Variants in GALNT13 observed in about 807,000 individuals in gnomAD.
The protein encoded by GALNT13 is polypeptide N-acetylgalactosaminyltransferase 13, also known as UDP-GalNAc:polypeptide N-acetylgalactosaminyltransferase 13.
A neutral mutation model predicts 64.2 loss-of-function variants in GALNT13; 28 were observed. That is an observed-to-expected ratio of 0.44 (90% CI 0.32 to 0.60). The LOEUF (loss-of-function observed/expected upper bound fraction) is 0.60, where lower values mean the gene tolerates loss of function less well. Among genes scored for constraint, GALNT13 ranks in the 20% least tolerant of loss-of-function variants. GALNT13 has a pLI of 0.05. For missense variants in GALNT13, 577 were observed against 669.8 expected (o/e 0.86, Z 1.53); for synonymous variants, 214 against 224.6 (o/e 0.95, Z 0.42).
chr2:153,539,790 C>T, the GALNT13 span, among the ~76,000 whole-genome samples: 1 of 151,838 alleles, frequency 6.6e-6, no homozygotes, highest in Admixed American at 6.6e-5. Context: ...GTTTTGGTTA[C>T]TGTAGCCTTG....
chr2:153,139,832 T>G, the GALNT13 span, among the ~76,000 whole-genome samples: 177 of 152,056 alleles, frequency 1.2e-3, 1 homozygote, highest in Admixed American at 4.3e-3. Flanking sequence ...AGTAATTGCT[T>G]GAGTAATGTA....
chr2:154,339,528 G>C (rs1002890450), intron 9 of GALNT13, among the ~76,000 whole-genome samples: 3 of 152,108 alleles, frequency 2.0e-5, no homozygotes, highest in African/African-American at 7.2e-5. Flanking sequence ...GAAGGAAATT[G>C]CTGGAATTTT....
the GALNT13 span, among the ~76,000 whole-genome samples, chr2:153,790,660 C>G: frequency 7.2e-5 from 11 of 152,150 alleles, no homozygotes; most frequent in Non-Finnish European, 1.6e-4. Flanking sequence ...GGATGCCAAA[C>G]TATCCCTGTT....
chr2:153,843,660 G>T, the GALNT13 span, among the ~76,000 whole-genome samples: 3 of 152,180 alleles, frequency 2.0e-5, no homozygotes, highest in Non-Finnish European at 4.4e-5. Flanking sequence ...AAGGTTTCAT[G>T]TGTAACAAGG....
At chr2:153,499,856 C>T in the GALNT13 span, among the ~76,000 whole-genome samples, 1 of 152,138 alleles carries the variant, frequency 6.6e-6, no homozygotes, top group East Asian at 1.9e-4. Context: ...CTTCCCAGTC[C>T]CCTGAGAGTG....
At chr2:154,050,046 C>T (rs1699500902) in intron 3 of GALNT13, among the ~76,000 whole-genome samples, 1 of 151,814 alleles carries the variant, frequency 6.6e-6, no homozygotes, top group South Asian at 2.1e-4. Context: ...TAAAATACAC[C>T]ATTTAAAATT....
intron 4 of GALNT13, among the ~76,000 whole-genome samples, chr2:154,144,576 C>A (rs1683454776): frequency 6.6e-6 from 1 of 152,096 alleles, no homozygotes; most frequent in South Asian, 2.1e-4. Flanking sequence ...AATGTGAATT[C>A]ATTCAAATAT....
intron 4 of GALNT13, among the ~76,000 whole-genome samples, chr2:154,150,700 T>C (rs1683948590): frequency 6.6e-6 from 1 of 152,238 alleles, no homozygotes; most frequent in Admixed American, 6.5e-5. Context: ...CTTCTAGATT[T>C]TCTAGTTTAT....
chr2:153,695,483 C>G, the GALNT13 span, among the ~76,000 whole-genome samples: 4 of 152,122 alleles, frequency 2.6e-5, no homozygotes, highest in Non-Finnish European at 5.9e-5. Flanking sequence ...TCTAATATTT[C>G]AGGAATGATT....
At chr2:154,114,583 G>C (rs550520030) in intron 3 of GALNT13, among the ~76,000 whole-genome samples, 1 of 131,286 alleles carries the variant, frequency 7.6e-6, no homozygotes, top group East Asian at 2.3e-4. Flanking sequence ...GTGTAGTGGG[G>C]TCCTTCCTTA....
At chr2:153,475,505 C>T in the GALNT13 span, among the ~76,000 whole-genome samples, 14 of 152,292 alleles carry the variant, frequency 9.2e-5, 1 homozygote, top group South Asian at 2.3e-3. Context: ...CTAAGAGGAA[C>T]AAGATAGAGA....
chr2:153,964,839 G>A (rs962431976), intron 3 of GALNT13, among the ~76,000 whole-genome samples: 1 of 151,840 alleles, frequency 6.6e-6, no homozygotes, highest in African/African-American at 2.4e-5. Context: ...AATATATTAT[G>A]GGCATTTTGT....
the GALNT13 span, among the ~76,000 whole-genome samples, chr2:153,534,518 C>CT: frequency 0.084 from 10,411 of 123,598 alleles, 1,715 homozygotes; most frequent in African/African-American, 0.33. Flanking sequence ...GCCCCTCTTT[C>CT]TTTCTTTCTT....
chr2:153,667,654 A>G, the GALNT13 span, among the ~76,000 whole-genome samples: 8 of 152,132 alleles, frequency 5.3e-5, no homozygotes, highest in African/African-American at 1.9e-4. Flanking sequence ...AAAGACCATT[A>G]CCAGCCACTA....
chr2:154,039,739 A>G lies in GALNT13; in HGVS notation c.142+95100A>G, dbSNP rs1258787830. Among the ~76,000 whole-genome samples, 3 of 139,450 alleles carry G rather than the reference A, an allele frequency of 2.2e-5. 1 individual carries two copies. The highest frequency in any genetic ancestry group is 4.9e-5 in the African/African-American group (2 of 40,692). 91.5% of individuals were successfully genotyped at this position (139,450 alleles called of 152,430 possible). A position where few individuals can be genotyped will look rare whatever the true frequency, so the allele number is the denominator to read the frequency against. Reference sequence around the variant, plus strand: ...AATATACCTAACAATAATTTATTGTATATGTTAAAAATACTAGAAGAGAGG... The same window carrying G: ...AATATACCTAACAATAATTTATTGTGTATGTTAAAAATACTAGAAGAGAGG... On this transcript the variant is annotated intron_variant, in intron 3 of 12. Transcript: ENST00000392825.
the GALNT13 span, among the ~76,000 whole-genome samples, chr2:153,296,004 G>T: frequency 2.0e-5 from 3 of 152,066 alleles, no homozygotes; most frequent in Admixed American, 2.0e-4. Flanking sequence ...ACATTAGAGC[G>T]CCCACTCAGT....
chr2:153,510,482 G>A, the GALNT13 span, among the ~76,000 whole-genome samples: 18 of 152,224 alleles, frequency 1.2e-4, no homozygotes, highest in East Asian at 7.8e-4. Context: ...AAACAAACAC[G>A]TATATAAAGC....
intron 4 of GALNT13, among the ~76,000 whole-genome samples, chr2:154,169,561 C>T (rs561375210): frequency 6.6e-6 from 1 of 152,216 alleles, no homozygotes; most frequent in East Asian, 1.9e-4. Flanking sequence ...AAAACTGCCC[C>T]ATATTGGCAC....
the GALNT13 span, chr2:153,354,100 T>A: frequency 6.6e-6 from 1 of 152,178 alleles, no homozygotes; most frequent in South Asian, 2.1e-4. Flanking sequence ...ATTCAGAGTG[T>A]CTATTGCTTT....
Sources: gnomAD v4.1 joint callset for allele counts (sites outside exome capture counted in the v4.1 genomes callset) on GRCh38, gnomAD v4.1.1 for gene constraint, MANE v1.5 for transcripts, NCBI Gene and HGNC (gene_info 2026-07-23, HGNC 2026-07-21) for gene names.